GSG1L: variants seen among roughly 807,000 people sequenced by gnomAD.
GSG1L encodes the protein GSG1 like.
Under a neutral mutation model 42.1 loss-of-function variants are expected in GSG1L, and 24 were observed. That is an observed-to-expected ratio of 0.57 (90% CI 0.41 to 0.80). The LOEUF is 0.80. GSG1L is among the 30% of genes least tolerant of loss of function. GSG1L has a pLI of 0.00. For synonymous variants in GSG1L, 215 were observed against 203.5 expected (o/e 1.06, Z -0.48); for missense variants, 445 against 472.2 (o/e 0.94, Z 0.53).
At chr16:27,961,252 G>A (rs941847201) in intron 2 of GSG1L, among the ~76,000 whole-genome samples, 1 of 152,292 alleles carries the variant, frequency 6.6e-6, no homozygotes, top group Admixed American at 6.5e-5. Flanking sequence ...TCATGCACAT[G>A]CACACTCACC....
chr16:27,817,282 G>T (rs1489938735), intron 5 of GSG1L, among the ~76,000 whole-genome samples: 3 of 152,140 alleles, frequency 2.0e-5, no homozygotes, highest in African/African-American at 7.2e-5. Flanking sequence ...AGCCTCCACT[G>T]CCCCTGCTCC....
chr16:27,797,791 C>T (rs893148320), intron 6 of GSG1L, among the ~76,000 whole-genome samples: 10 of 138,020 alleles, frequency 7.2e-5, no homozygotes, highest in African/African-American at 2.8e-4. Flanking sequence ...CACTGCACCA[C>T]GGCCTGGGTG....
At chr16:27,837,547 G>A (rs1228503198) in intron 4 of GSG1L, among the ~76,000 whole-genome samples, 1 of 152,196 alleles carries the variant, frequency 6.6e-6, no homozygotes, top group African/African-American at 2.4e-5. Context: ...CATGGGGAGG[G>A]AGATGTTCTT....
intron 1 of GSG1L, among the ~76,000 whole-genome samples, chr16:28,020,192 G>A (rs1006744613): frequency 6.6e-6 from 1 of 152,158 alleles, no homozygotes; most frequent in East Asian, 1.9e-4. Flanking sequence ...GGGCATTGGC[G>A]ACTCAGTCCA....
chr16:27,985,378 C>T, intron 1 of GSG1L, among the ~76,000 whole-genome samples: 1 of 151,918 alleles, frequency 6.6e-6, no homozygotes, highest in Non-Finnish European at 1.5e-5. Flanking sequence ...GAGCCTGCAC[C>T]TCCTCCTCTC....
At chr16:27,974,293 T>C (rs929592262) in intron 1 of GSG1L, among the ~76,000 whole-genome samples, 10 of 152,170 alleles carry the variant, frequency 6.6e-5, no homozygotes, top group African/African-American at 2.4e-4. Flanking sequence ...AGCTGGACTT[T>C]GGGGTCATAG....
At chr16:27,946,351 C>A (rs890512305) in intron 2 of GSG1L, among the ~76,000 whole-genome samples, 4 of 151,866 alleles carry the variant, frequency 2.6e-5, no homozygotes, top group Non-Finnish European at 4.4e-5. Flanking sequence ...TCGAGACCAG[C>A]CTGGGCAACA....
chr16:27,876,382 T>C (rs1325598049), intron 3 of GSG1L, among the ~76,000 whole-genome samples: 1 of 151,914 alleles, frequency 6.6e-6, no homozygotes, highest in African/African-American at 2.4e-5. Context: ...AATTAAGAAG[T>C]GTAACAGGAA....
rs149107549 is a variant in GSG1L, at chr16:27,901,784, G to A, written c.398-17146C>T. 3.2e-3 allele frequency among the ~76,000 whole-genome samples: 488 copies of A among 152,264 alleles called. 2 individuals are homozygous for A. The highest frequency in any genetic ancestry group is 0.011 in the African/African-American group (448 of 41,536). On this transcript the variant is annotated intron_variant, in intron 2 of 6. Transcript: ENST00000447459. ...AGTGCTTGGGATAAACCCCAGCTCC[G>A]TGCCTTGACATTTGAGTTTCTACCA...
At position 27,788,721 on chromosome 16, in the gene GSG1L, A is replaced by G. The variant is rs191019727; in HGVS notation, c.*2649T>C. On this transcript the variant is annotated 3_prime_UTR_variant, in exon 7 of 7. Coordinates refer to ENST00000447459, the MANE Select transcript of GSG1L (RefSeq NM_001109763.2). Reference sequence around the variant, plus strand: ...GATTTCCCCTTGTTGTCCTGTTAGTAAACACCCACAAAGTGTTTACTTGTG... The same window carrying G: ...GATTTCCCCTTGTTGTCCTGTTAGTGAACACCCACAAAGTGTTTACTTGTG... 1.3e-5 allele frequency: 2 copies of G among 152,360 alleles called. No homozygotes were observed. Among genetic ancestry groups the G allele is most frequent in the Non-Finnish European group, 2.9e-5 (2 of 68,036 alleles). The allele number at this position is 152,360 out of a possible 1,614,324, so 9.4% of individuals were successfully genotyped here. A position where few individuals can be genotyped will look rare whatever the true frequency, so the allele number is the denominator to read the frequency against.
chr16:27,984,017 T>C (rs1192838704), intron 1 of GSG1L, among the ~76,000 whole-genome samples: 1 of 152,190 alleles, frequency 6.6e-6, no homozygotes, highest in African/African-American at 2.4e-5. Flanking sequence ...AAGATGCTTA[T>C]CCAACATCCT....
At chr16:28,042,435 CAAAA>C (rs5816459) in intron 1 of GSG1L, among the ~76,000 whole-genome samples, 1 of 125,238 alleles carries the variant, frequency 8.0e-6, no homozygotes, top group Admixed American at 8.0e-5. Flanking sequence ...AACTCCATCT[CAAAA>C]AAAAAAAAAA....
At chr16:27,913,481 A>G (rs1221550322) in intron 2 of GSG1L, among the ~76,000 whole-genome samples, 1 of 152,198 alleles carries the variant, frequency 6.6e-6, no homozygotes, top group South Asian at 2.1e-4. Flanking sequence ...ATTTACTCCA[A>G]TATTTCATAA....
intron 4 of GSG1L, among the ~76,000 whole-genome samples, chr16:27,829,919 GATGAGGTTATA>G (rs1421520726): frequency 1.3e-5 from 2 of 152,140 alleles, no homozygotes; most frequent in Non-Finnish European, 2.9e-5. Context: ...CCCCCTGAGA[GATGAGGTTATA>G]ATGAATGACC....
At chr16:27,975,487 G>A (rs2085240609) in intron 1 of GSG1L, among the ~76,000 whole-genome samples, 1 of 152,146 alleles carries the variant, frequency 6.6e-6, no homozygotes. Context: ...ATTGTCCTGT[G>A]TATGGATTTG....
At chr16:27,986,877 C>T (rs888022504) in intron 1 of GSG1L, among the ~76,000 whole-genome samples, 1 of 152,224 alleles carries the variant, frequency 6.6e-6, no homozygotes, top group Non-Finnish European at 1.5e-5. Flanking sequence ...ACTCAGTGGT[C>T]CAGTTGGTAG....
At chr16:27,833,331 A>AT (rs571345125) in intron 4 of GSG1L, among the ~76,000 whole-genome samples, 39 of 148,060 alleles carry the variant, frequency 2.6e-4, no homozygotes, top group East Asian at 1.6e-3. Context: ...TGAGTTCTCT[A>AT]TTTTTTTTTT....
chr16:27,976,832 C>T (rs912987486), intron 1 of GSG1L, among the ~76,000 whole-genome samples: 7 of 152,206 alleles, frequency 4.6e-5, no homozygotes, highest in African/African-American at 1.7e-4. Flanking sequence ...AAATGTCCAC[C>T]CCACTCTCCC....
intron 2 of GSG1L, among the ~76,000 whole-genome samples, chr16:27,940,714 G>T (rs867181469): frequency 8.9e-6 from 1 of 112,880 alleles, no homozygotes; most frequent in Admixed American, 9.1e-5. Context: ...GGGGTGGGGG[G>T]AGTGGGGAGG....
Sources: allele counts gnomAD v4.1 joint callset (sites outside exome capture counted in the v4.1 genomes callset), GRCh38; gene constraint gnomAD v4.1.1; transcripts MANE v1.5; gene names NCBI Gene and HGNC (gene_info 2026-07-23, HGNC 2026-07-21).